The following PKP2 variants were observed in gnomAD, a reference collection of about 807,000 sequenced individuals.
PKP2 encodes the protein plakophilin-2.
Under a neutral mutation model 83.4 loss-of-function variants are expected in PKP2, and 73 were observed. The ratio of observed to expected loss-of-function variants is 0.88; its 90% CI spans 0.72 to 1.06. The LOEUF (loss-of-function observed/expected upper bound fraction) is 1.06. PKP2 is among the 50% of genes least tolerant of loss of function. The pLI is 0.00. For synonymous variants in PKP2, 409 were observed against 430.4 expected (o/e 0.95, Z 0.62); for missense variants, 966 against 1,065.4 (o/e 0.91, Z 1.30).
chr12:32,831,257 T>C (rs1338048938), intron 6 of PKP2, among the ~76,000 whole-genome samples: 1 of 152,214 alleles, frequency 6.6e-6, no homozygotes. Flanking sequence ...GCACAGATTT[T>C]AACCACACAA....
At chr12:32,832,832 C>T (rs1346676796) in intron 6 of PKP2, among the ~76,000 whole-genome samples, 1 of 152,138 alleles carries the variant, frequency 6.6e-6, no homozygotes, top group Admixed American at 6.6e-5. Context: ...ATTTGATAGT[C>T]AAGAAAATTA....
At chr12:32,841,261 C>T in intron 5 of PKP2, 56 bp from the exon 6 acceptor site, 3 of 1,462,146 alleles carry the variant, frequency 2.1e-6, no homozygotes, top group Non-Finnish European at 2.9e-6. Context: ...AAAATGACCG[C>T]TGAAAAGTTC....
At chr12:32,795,214 T>C (rs933438426) in intron 11 of PKP2, among the ~76,000 whole-genome samples, 5 of 151,844 alleles carry the variant, frequency 3.3e-5, no homozygotes, top group African/African-American at 1.2e-4. Context: ...TAGGGAAAAG[T>C]TGAAAACAGG....
At chr12:32,842,819 C>G (rs1956608088) in intron 5 of PKP2, among the ~76,000 whole-genome samples, 1 of 152,116 alleles carries the variant, frequency 6.6e-6, no homozygotes, top group Non-Finnish European at 1.5e-5. Context: ...GGATTACAGG[C>G]ACACACCACC....
chr12:32,873,231 T>C (rs995069010), intron 3 of PKP2, among the ~76,000 whole-genome samples: 3 of 151,318 alleles, frequency 2.0e-5, no homozygotes, highest in Admixed American at 2.0e-4. Context: ...TCCTGAGTAG[T>C]TGGGGCTACA....
chr12:32,797,831 G>A (rs973188340), intron 10 of PKP2, among the ~76,000 whole-genome samples: 2 of 151,674 alleles, frequency 1.3e-5, no homozygotes, highest in Admixed American at 6.6e-5. Flanking sequence ...GCTGGGATTA[G>A]AAGCGTGAGC....
intron 6 of PKP2, among the ~76,000 whole-genome samples, chr12:32,836,191 C>T (rs4244860): frequency 0.99 from 150,976 of 152,332 alleles, 74,833 homozygotes; most frequent in Middle Eastern, 1. Context: ...ATTGCAAAAT[C>T]TGCATCACCT....
intron 9 of PKP2, among the ~76,000 whole-genome samples, chr12:32,819,449 G>C (rs1024245088): frequency 3.3e-5 from 5 of 152,090 alleles, no homozygotes; most frequent in African/African-American, 4.8e-5. Context: ...TATCAGTTTA[G>C]TGTAAGCTTC....
Position 32,834,115 on chromosome 12 carries a change from A to G in PKP2, c.1556+6913T>C, listed in dbSNP as rs1201097344. Among the ~76,000 whole-genome samples the G allele has an allele frequency of 2.0e-5, 3 of 152,324 alleles. No homozygotes were observed. In the East Asian group the frequency reaches 5.8e-4, roughly 29 times the overall value. On this transcript the variant is annotated intron_variant, in intron 6 of 12. Coordinates refer to ENST00000340811, the MANE Select transcript of PKP2 (RefSeq NM_001005242.3). ...CTCCAGAAAAAATTCCCAACTCCCA[A>G]GGCAAAGTTAGTGAAGCAACTTTCA...
intron 4 of PKP2, among the ~76,000 whole-genome samples, chr12:32,863,674 G>A (rs1956821176): frequency 6.6e-6 from 1 of 152,182 alleles, no homozygotes; most frequent in South Asian, 2.1e-4. Context: ...AACTGAATTT[G>A]CAGCTAAGAA....
intron 5 of PKP2, among the ~76,000 whole-genome samples, chr12:32,845,928 G>A (rs954150977): frequency 2.0e-5 from 3 of 151,930 alleles, no homozygotes; most frequent in African/African-American, 7.3e-5. Flanking sequence ...TAAACCCAGG[G>A]TACCTTGTTA....
At chr12:32,842,279 G>A (rs943489289) in intron 5 of PKP2, among the ~76,000 whole-genome samples, 1 of 151,890 alleles carries the variant, frequency 6.6e-6, no homozygotes, top group Non-Finnish European at 1.5e-5. Context: ...TCACTCTATT[G>A]CCCATGCTGG....
chr12:32,852,648 C>A (rs1159535653), intron 4 of PKP2, among the ~76,000 whole-genome samples: 1 of 152,170 alleles, frequency 6.6e-6, no homozygotes, highest in African/African-American at 2.4e-5. Context: ...TCCTTTAAGG[C>A]TTCACTGGAC....
chr12:32,877,663 C>A (rs1956942677), intron 3 of PKP2, among the ~76,000 whole-genome samples, 183 bp downstream of exon 3: 1 of 152,190 alleles, frequency 6.6e-6, no homozygotes, highest in Admixed American at 6.5e-5. Flanking sequence ...GTAGCTTGGC[C>A]CCTGTCCCTG....
At chr12:32,887,005 AG>A in intron 1 of PKP2, among the ~76,000 whole-genome samples, 2 of 151,960 alleles carry the variant, frequency 1.3e-5, no homozygotes, top group Non-Finnish European at 1.5e-5. Flanking sequence ...TGTCTCAAAA[AG>A]GAAAAAAAAA....
chr12:32,863,262 A>G, intron 4 of PKP2: 1 of 255,460 alleles, frequency 3.9e-6, no homozygotes, highest in Non-Finnish European at 8.4e-6. Context: ...TATACAAAGC[A>G]AAGAACAACA....
At position 32,822,575 on chromosome 12, in the gene PKP2, C is replaced by A. The variant is rs2137777821; in HGVS notation, c.1731G>T (p.Glu577Asp). Reference protein sequence around the residue: ...LHNLSYQLEAELPEKYSQNIY... With the variant: ...LHNLSYQLEADLPEKYSQNIY... ...TATTCTGGGAATATTTCTCTGGGAG[C>A]TCTGCCTCCAGCTGGTAGGAGAGGT... Residue 577 changes from glutamate to aspartate, a missense_variant, in exon 8 of 13, where the codon GAG becomes GAT. Coordinates refer to ENST00000340811, the MANE Select transcript of PKP2 (RefSeq NM_001005242.3). The A allele has an allele frequency of 1.2e-6, 2 of 1,614,026 alleles. No homozygotes were observed. The highest frequency in any genetic ancestry group is 2.2e-5 in the South Asian group (2 of 91,080).
At chr12:32,816,956 A>AT (rs1393530711) in intron 9 of PKP2, among the ~76,000 whole-genome samples, 1 of 152,000 alleles carries the variant, frequency 6.6e-6, no homozygotes, top group Non-Finnish European at 1.5e-5. Context: ...TGCTTGCTGA[A>AT]TTTTTTAAGT....
At chr12:32,868,834 A>G in intron 4 of PKP2, 93 bp downstream of exon 4, 2 of 1,425,376 alleles carry the variant, frequency 1.4e-6, no homozygotes, top group Non-Finnish European at 2.0e-6. Flanking sequence ...AATTTTTAAA[A>G]ATTTAAATAA....
Sources: allele counts gnomAD v4.1 joint callset (sites outside exome capture counted in the v4.1 genomes callset), GRCh38; gene constraint gnomAD v4.1.1; transcripts MANE v1.5; gene names NCBI Gene and HGNC (gene_info 2026-07-23, HGNC 2026-07-21).